GPC5: variants seen among roughly 807,000 people sequenced by gnomAD.
GPC5 encodes the protein glypican 5, also known as glypican-5.
A neutral mutation model predicts 53.9 loss-of-function variants in GPC5; 47 were observed. The ratio of observed to expected loss-of-function variants is 0.87; its 90% CI spans 0.69 to 1.11. The LOEUF (loss-of-function observed/expected upper bound fraction) is 1.11. Among genes scored for constraint, GPC5 ranks in the 50% most tolerant of loss-of-function variants. GPC5 has a pLI of 0.00. For missense variants in GPC5, 748 were observed against 713.1 expected (o/e 1.05, Z -0.56); for synonymous variants, 286 against 263.3 (o/e 1.09, Z -0.84).
At chr13:92,126,819 T>A (rs2041701325) in intron 6 of GPC5, among the ~76,000 whole-genome samples, 1 of 149,884 alleles carries the variant, frequency 6.7e-6, no homozygotes, top group African/African-American at 2.4e-5. Context: ...AAAGTTGGAG[T>A]GTGTGTGTGT....
intron 2 of GPC5, among the ~76,000 whole-genome samples, chr13:91,462,607 G>T (rs1882003637): frequency 6.6e-6 from 1 of 152,126 alleles, no homozygotes; most frequent in Admixed American, 6.6e-5. Flanking sequence ...ATTGTAGAGG[G>T]TTTCCTCTTT....
intron 5 of GPC5, among the ~76,000 whole-genome samples, chr13:91,858,777 A>G (rs1297218037): frequency 6.6e-6 from 1 of 151,952 alleles, no homozygotes; most frequent in East Asian, 1.9e-4. Context: ...GAGTAAAACC[A>G]TTAGGTCCTG....
intron 5 of GPC5, among the ~76,000 whole-genome samples, chr13:91,889,117 G>A (rs2039357945): frequency 6.6e-6 from 1 of 152,128 alleles, no homozygotes; most frequent in South Asian, 2.1e-4. Context: ...TTGTTTGTTT[G>A]TTTTTATTGT....
At chr13:92,477,784 C>T (rs1251806163) in intron 7 of GPC5, among the ~76,000 whole-genome samples, 2 of 151,980 alleles carry the variant, frequency 1.3e-5, no homozygotes, top group Admixed American at 1.3e-4. Flanking sequence ...TGAAAGCATG[C>T]AGAGTTACTG....
intron 2 of GPC5, among the ~76,000 whole-genome samples, chr13:91,659,031 G>A (rs2034919164): frequency 6.6e-6 from 1 of 151,898 alleles, no homozygotes. Flanking sequence ...TTTATTTTAT[G>A]TCTCAAACTC....
intron 7 of GPC5, among the ~76,000 whole-genome samples, chr13:92,537,678 T>C (rs1234691252): frequency 6.6e-6 from 1 of 152,136 alleles, no homozygotes; most frequent in African/African-American, 2.4e-5. Context: ...TGGTAATGAA[T>C]GTCAAAATCC....
At chr13:92,227,844 A>G (rs1039649281) in intron 7 of GPC5, among the ~76,000 whole-genome samples, 4 of 152,116 alleles carry the variant, frequency 2.6e-5, no homozygotes, top group African/African-American at 9.7e-5. Flanking sequence ...TAAATAAGGT[A>G]TAATTTTTGA....
At chr13:92,115,383 A>G (rs758079813) in intron 6 of GPC5, among the ~76,000 whole-genome samples, 9 of 152,094 alleles carry the variant, frequency 5.9e-5, no homozygotes, top group East Asian at 1.9e-4. Flanking sequence ...GTGCATGCCT[A>G]TAGTCTCAGC....
chr13:91,955,991 C>T (rs9589379), intron 6 of GPC5, among the ~76,000 whole-genome samples: 7,153 of 152,214 alleles, frequency 0.047, 204 homozygotes, highest in Middle Eastern at 0.065. Context: ...TCTCCAGCTG[C>T]CTGCCTACAG....
intron 2 of GPC5, among the ~76,000 whole-genome samples, chr13:91,449,342 A>T (rs1373200315): frequency 6.6e-6 from 1 of 152,114 alleles, no homozygotes; most frequent in Non-Finnish European, 1.5e-5. Context: ...GATGTCTCAT[A>T]ATTTTATTTT....
chr13:92,581,486 G>A (rs1883366662), intron 7 of GPC5, among the ~76,000 whole-genome samples: 1 of 152,048 alleles, frequency 6.6e-6, no homozygotes, highest in African/African-American at 2.4e-5. Context: ...AACACATAGG[G>A]TGATTCCATA....
intron 7 of GPC5, among the ~76,000 whole-genome samples, chr13:92,665,427 T>C (rs1566352244): frequency 6.6e-6 from 1 of 152,208 alleles, no homozygotes; most frequent in Admixed American, 6.5e-5. Flanking sequence ...TCAGATCTCT[T>C]GACCCTTGGC....
chr13:92,379,691 C>T lies in GPC5; in HGVS notation c.1561+234702C>T, dbSNP rs370076894. 1.9e-4 allele frequency among the ~76,000 whole-genome samples: 29 copies of T among 151,972 alleles called. No individual in the cohort carries two copies. The South Asian group carries it at 5.6e-3, about 30-fold the overall frequency. ...GCATATTAGTTCCTCTCTGTGCCCC[C>T]TGCATATTTGTTCCTCGCTGTGCCC... On this transcript the variant is annotated intron_variant, in intron 7 of 7. Transcript: ENST00000377067.
chr13:91,646,978 CATT>C (rs1207398349), intron 2 of GPC5, among the ~76,000 whole-genome samples: 5 of 151,504 alleles, frequency 3.3e-5, no homozygotes, highest in African/African-American at 4.9e-5. Flanking sequence ...TCCATAAAAT[CATT>C]ATTATCCATT....
Position 92,595,521 on chromosome 13 carries a change from C to A in GPC5, c.1562-270761C>A, listed in dbSNP as rs367930736. ...CGGTGGCTCACGCCTGTAATCCCAG[C>A]ACTTTGGGAGGCCGAGGCAGGCGGA... On this transcript the variant is annotated intron_variant, in intron 7 of 7. Transcript: ENST00000377067. Among the ~76,000 whole-genome samples the A allele has an allele frequency of 5.3e-5, 8 of 152,164 alleles. 1 individual carries two copies. The East Asian group carries it at 1.4e-3, about 26-fold the overall frequency.
chr13:92,139,710 T>C (rs938832489), intron 6 of GPC5, among the ~76,000 whole-genome samples: 2 of 148,610 alleles, frequency 1.3e-5, no homozygotes, highest in African/African-American at 4.9e-5. Context: ...ATATACTGAA[T>C]TAATTTCATG....
chr13:92,284,524 G>A (rs112612114), intron 7 of GPC5, among the ~76,000 whole-genome samples: 65,128 of 151,986 alleles, frequency 0.43, 15,176 homozygotes, highest in African/African-American at 0.62. Flanking sequence ...CCAGCAGCAC[G>A]TCAAAAAGCT....
chr13:92,698,060 T>C (rs1175142688), intron 7 of GPC5, among the ~76,000 whole-genome samples: 1 of 152,198 alleles, frequency 6.6e-6, no homozygotes, highest in Non-Finnish European at 1.5e-5. Context: ...GACTTGATCA[T>C]GGTGGATAAG....
At chr13:92,114,158 T>C (rs1053947644) in intron 6 of GPC5, among the ~76,000 whole-genome samples, 9 of 151,978 alleles carry the variant, frequency 5.9e-5, no homozygotes, top group African/African-American at 2.2e-4. Flanking sequence ...ACATAAAGAG[T>C]ATAGAAACAG....
Sources: allele counts gnomAD v4.1 joint callset (sites outside exome capture counted in the v4.1 genomes callset), GRCh38; gene constraint gnomAD v4.1.1; transcripts MANE v1.5; gene names NCBI Gene and HGNC (gene_info 2026-07-23, HGNC 2026-07-21).